Variants in ERC2 observed in about 807,000 individuals in gnomAD.
The protein encoded by ERC2 is ERC protein 2.
ERC2 carries 42 observed loss-of-function variants against 114.8 expected under a neutral mutation model. That is an observed-to-expected ratio of 0.37 (90% confidence interval 0.29 to 0.47). The LOEUF is 0.47. Among genes scored for constraint, ERC2 ranks in the 20% least tolerant of loss-of-function variants. The pLI, the probability that ERC2 is intolerant of heterozygous loss-of-function variation, is 0.99. For synonymous variants in ERC2, 454 were observed against 425.5 expected, an observed-to-expected ratio of 1.07 and a Z score of -0.82; for missense variants, 939 against 1,150.7, an observed-to-expected ratio of 0.82 and a Z score of 2.66.
intron 7 of ERC2, among the ~76,000 whole-genome samples, chr3:56,060,205 C>T (rs557453983): frequency 2.8e-4 from 42 of 152,276 alleles, no homozygotes; most frequent in African/African-American, 9.6e-4. Flanking sequence ...AAGGAACTGA[C>T]AAACAAACAT....
chr3:55,842,526 T>C (rs147885756), intron 14 of ERC2, among the ~76,000 whole-genome samples: 1 of 152,278 alleles, frequency 6.6e-6, no homozygotes, highest in East Asian at 1.9e-4. Context: ...TCCTTTATAA[T>C]TCACTGTAGA....
chr3:55,728,061 A>G (rs1358793224), intron 15 of ERC2, among the ~76,000 whole-genome samples: 1 of 152,198 alleles, frequency 6.6e-6, no homozygotes, highest in African/African-American at 2.4e-5. Flanking sequence ...AACAAGGATC[A>G]TGATTGATCA....
chr3:56,252,757 CA>C (rs71099628), intron 3 of ERC2, among the ~76,000 whole-genome samples: 954 of 74,166 alleles, frequency 0.013, 13 homozygotes, highest in African/African-American at 0.038. Flanking sequence ...AACTCTGTCT[CA>C]AAAAAAAAAA....
chr3:56,017,588 C>A (rs2073392741), intron 8 of ERC2, among the ~76,000 whole-genome samples: 1 of 152,266 alleles, frequency 6.6e-6, no homozygotes, highest in South Asian at 2.1e-4. Flanking sequence ...TCTCCCTCCA[C>A]AAGGGCTCCT....
chr3:56,459,205 G>C (rs1011612474), intron 1 of ERC2, among the ~76,000 whole-genome samples: 2 of 152,098 alleles, frequency 1.3e-5, no homozygotes, highest in African/African-American at 4.8e-5. Flanking sequence ...GGTAACCACA[G>C]TGCACAACTA....
chr3:55,548,328 T>C (rs1324088159), intron 17 of ERC2, among the ~76,000 whole-genome samples: 1 of 152,272 alleles, frequency 6.6e-6, no homozygotes, highest in African/African-American at 2.4e-5. Context: ...AGATTAAATT[T>C]AAATAAATCA....
intron 11 of ERC2, among the ~76,000 whole-genome samples, chr3:55,986,457 T>G (rs2070644154): frequency 6.6e-6 from 1 of 152,224 alleles, no homozygotes; most frequent in Admixed American, 6.5e-5. Context: ...GATGGTTATA[T>G]CCTATGAGAT....
rs1352348461 is a variant in ERC2, at chr3:56,460,716, G to C, written c.-141+7532C>G. Among the ~76,000 whole-genome samples, 6 of 152,204 alleles carry C rather than the reference G, an allele frequency of 3.9e-5. 1 individual carries two copies. Among genetic ancestry groups the C allele is most frequent in the Admixed American group, 3.3e-4 (5 of 15,280 alleles). ...CTGTACCCCCAGTGCCTAACACAAA[G>C]TAGATACTCAATAAATACTTCACAA... is the stretch of plus-strand genomic sequence containing the variant. On this transcript the variant is annotated intron_variant, in intron 1 of 17. Transcript: ENST00000288221.
intron 10 of ERC2, among the ~76,000 whole-genome samples, chr3:55,993,121 G>T (rs1397377651): frequency 6.6e-6 from 1 of 151,784 alleles, no homozygotes; most frequent in African/African-American, 2.4e-5. Context: ...AAATAACACT[G>T]CACTGCAATG....
intron 17 of ERC2, among the ~76,000 whole-genome samples, chr3:55,644,450 G>A (rs2060309880): frequency 6.6e-6 from 1 of 152,134 alleles, no homozygotes; most frequent in African/African-American, 2.4e-5. Flanking sequence ...AAACCCAAGT[G>A]TCTGAAAAGT....
In ERC2 at chr3:56,393,896, C is replaced by T. The variant is rs201105865; in HGVS notation, c.657+40455G>A. The stretch of plus-strand genomic sequence containing the variant: ...AGCCATCTCTTGACCCCCTGATCAC[C>T]TGGACACTACTTTTATGTCTCCTAC... On this transcript the variant is annotated intron_variant, in intron 2 of 17. Coordinates refer to ENST00000288221, the MANE Select transcript of ERC2 (RefSeq NM_015576.3). Among the ~76,000 whole-genome samples the T allele has an allele frequency of 2.6e-5, 4 of 152,012 alleles. No individual in the cohort carries two copies. The East Asian group carries it at 7.7e-4, about 29-fold the overall frequency.
At chr3:55,559,631 G>A (rs1278422390) in intron 17 of ERC2, among the ~76,000 whole-genome samples, 1 of 152,258 alleles carries the variant, frequency 6.6e-6, no homozygotes, top group African/African-American at 2.4e-5. Context: ...TGTCAGGGGT[G>A]CAACCTAGAT....
chr3:56,073,385 C>T (rs2076829590), intron 7 of ERC2, among the ~76,000 whole-genome samples: 1 of 152,238 alleles, frequency 6.6e-6, no homozygotes, highest in Admixed American at 6.5e-5. Flanking sequence ...TGGAATAGAC[C>T]CTACCCATGA....
intron 3 of ERC2, among the ~76,000 whole-genome samples, chr3:56,285,028 C>T (rs868252445): frequency 0.043 from 4,869 of 113,000 alleles, 71 homozygotes; most frequent in South Asian, 0.083. Context: ...CACACACACA[C>T]ACATACACAC....
chr3:55,583,085 A>G (rs11918043), intron 17 of ERC2, among the ~76,000 whole-genome samples: 9,527 of 152,298 alleles, frequency 0.063, 427 homozygotes, highest in Middle Eastern at 0.11. Flanking sequence ...TACTCATGCC[A>G]TTATTGTATC....
At chr3:56,212,268 T>C (rs914923479) in intron 3 of ERC2, among the ~76,000 whole-genome samples, 2 of 152,010 alleles carry the variant, frequency 1.3e-5, no homozygotes, top group African/African-American at 2.4e-5. Flanking sequence ...GGAAAAAACA[T>C]AATCCCATCA....
At chr3:55,778,038 A>G (rs2068753466) in intron 14 of ERC2, among the ~76,000 whole-genome samples, 1 of 152,198 alleles carries the variant, frequency 6.6e-6, no homozygotes, top group Non-Finnish European at 1.5e-5. Flanking sequence ...GGCTGACATG[A>G]TCCTTTTTCA....
At chr3:56,053,047 A>T (rs565667391) in intron 7 of ERC2, among the ~76,000 whole-genome samples, 34 of 152,286 alleles carry the variant, frequency 2.2e-4, no homozygotes, top group Non-Finnish European at 4.0e-4. Context: ...AAGCAGGCAA[A>T]GTGACTGATG....
chr3:56,262,073 C>T (rs2052973928), intron 3 of ERC2, among the ~76,000 whole-genome samples: 1 of 152,206 alleles, frequency 6.6e-6, no homozygotes, highest in Non-Finnish European at 1.5e-5. Context: ...CATAGTATTC[C>T]ATGGTGTATA....
Sources: allele counts gnomAD v4.1 joint callset (sites outside exome capture counted in the v4.1 genomes callset), GRCh38; gene constraint gnomAD v4.1.1; transcripts MANE v1.5; gene names NCBI Gene and HGNC (gene_info 2026-07-23, HGNC 2026-07-21).